DPP8: variants seen among roughly 807,000 people sequenced by gnomAD.
DPP8 encodes DPP VIII.
DPP8 carries 31 observed loss-of-function variants against 107.5 expected under a neutral mutation model. The observed-to-expected ratio is 0.29, with a 90% confidence interval of 0.22 to 0.39. DPP8 has a LOEUF of 0.39. DPP8 is among the 10% of genes least tolerant of loss of function. The pLI, the probability that DPP8 is intolerant of heterozygous loss-of-function variation, is 1.00. For synonymous variants in DPP8, 381 were observed against 356.6 expected (o/e 1.07, Z -0.77); for missense variants, 842 against 1,076.1 (o/e 0.78, Z 3.04).
chr15:65,449,568 C>T (rs1415730227), intron 19 of DPP8, among the ~76,000 whole-genome samples: 1 of 151,998 alleles, frequency 6.6e-6, no homozygotes, highest in African/African-American at 2.4e-5. Context: ...CACCACCACA[C>T]CTAGCTAATT....
chr15:65,510,282 C>T (rs1209944669), intron 2 of DPP8, among the ~76,000 whole-genome samples: 1 of 152,108 alleles, frequency 6.6e-6, no homozygotes, highest in African/African-American at 2.4e-5. Flanking sequence ...TGCCACTGTA[C>T]TCCAGCCTAG....
chr15:65,486,485 G>A (rs2067453139), intron 7 of DPP8, among the ~76,000 whole-genome samples: 1 of 151,964 alleles, frequency 6.6e-6, no homozygotes, highest in Non-Finnish European at 1.5e-5. Flanking sequence ...AGCCCAGGAG[G>A]TGGAGGTATA....
intron 4 of DPP8, among the ~76,000 whole-genome samples, chr15:65,499,070 A>AGTGTGTGTGTGTGTGTGTGT (rs56047613): frequency 2.9e-4 from 38 of 129,760 alleles, no homozygotes; most frequent in African/African-American, 1.1e-3. Flanking sequence ...CCAAAAAAAA[A>AGTGTGTGTGTGTGTGTGTGT]GTGTGTGTGT....
At chr15:65,495,244 A>G (rs1038422288) in intron 5 of DPP8, among the ~76,000 whole-genome samples, 1 of 152,100 alleles carries the variant, frequency 6.6e-6, no homozygotes, top group Non-Finnish European at 1.5e-5. Flanking sequence ...ATTACTTAGG[A>G]TCAGTTTAGG....
intron 4 of DPP8, among the ~76,000 whole-genome samples, chr15:65,499,099 G>A (rs952916529): frequency 7.3e-6 from 1 of 137,372 alleles, no homozygotes; most frequent in African/African-American, 2.8e-5. Flanking sequence ...GTGTGTGTGT[G>A]TGTGTGTATA....
chr15:65,448,900 A>C (rs1230474931), intron 19 of DPP8, among the ~76,000 whole-genome samples: 1 of 82,604 alleles, frequency 1.2e-5, no homozygotes, highest in Non-Finnish European at 2.5e-5. Context: ...ATATATATAT[A>C]TATATATATA....
At chr15:65,458,075 A>G (rs1407225645) in intron 15 of DPP8, among the ~76,000 whole-genome samples, 1 of 152,226 alleles carries the variant, frequency 6.6e-6, no homozygotes, top group Non-Finnish European at 1.5e-5. Flanking sequence ...CATGTATAGA[A>G]GATGGTCTCA....
At chr15:65,465,038 C>A (rs961681067) in intron 14 of DPP8, among the ~76,000 whole-genome samples, 2 of 152,122 alleles carry the variant, frequency 1.3e-5, no homozygotes, top group Admixed American at 6.5e-5. Flanking sequence ...ACAGACCTCT[C>A]CTAAGTGTTT....
At chr15:65,456,112 T>A in intron 16 of DPP8, 113 bp downstream of exon 16, 1 of 1,233,688 alleles carries the variant, frequency 8.1e-7, no homozygotes, top group Non-Finnish European at 1.1e-6. Context: ...ACATACACTC[T>A]CACTCACTCA....
intron 16 of DPP8, chr15:65,455,732 G>A (rs566481304): frequency 7.9e-7 from 1 of 1,266,536 alleles, no homozygotes; most frequent in East Asian, 5.6e-5. Context: ...CAATAACACT[G>A]GCAAACACAG....
chr15:65,474,119 CG>C, intron 12 of DPP8, 89 bp downstream of exon 12: 1 of 985,366 alleles, frequency 1.0e-6, no homozygotes, highest in Non-Finnish European at 1.6e-6. Context: ...AAAAAAATAC[CG>C]GGGTCATATT....
chr15:65,516,607 C>T (rs1430117940), intron 1 of DPP8: 1 of 152,198 alleles, frequency 6.6e-6, no homozygotes, highest in Non-Finnish European at 1.5e-5. Flanking sequence ...GATGTCAAGA[C>T]ACCTCATAGC....
intron 12 of DPP8, among the ~76,000 whole-genome samples, chr15:65,471,676 C>T (rs953963684): frequency 2.0e-5 from 3 of 152,014 alleles, no homozygotes; most frequent in Non-Finnish European, 4.4e-5. Flanking sequence ...TTTGCAGAGA[C>T]GGAGTCTCAC....
At chr15:65,456,159 TCA>T (rs1347774829) in intron 16 of DPP8, 64 bp downstream of exon 16, 8 of 1,554,160 alleles carry the variant, frequency 5.1e-6, no homozygotes, top group Non-Finnish European at 7.0e-6. Flanking sequence ...TTCAAGGGTT[TCA>T]CACCAAACAA....
At chr15:65,489,723 G>C (rs370103) in intron 6 of DPP8, among the ~76,000 whole-genome samples, 142,325 of 151,418 alleles carry the variant, frequency 0.94, 66,881 homozygotes, top group Admixed American at 0.96. Context: ...CGGCCATAAT[G>C]TACATATTTT....
chr15:65,488,031 G>A (rs1255614288), intron 6 of DPP8, among the ~76,000 whole-genome samples: 2 of 152,082 alleles, frequency 1.3e-5, no homozygotes, highest in Non-Finnish European at 2.9e-5. Context: ...AACTGGAGAT[G>A]ATATGTATAC....
rs115277875 is a variant in DPP8, at chr15:65,453,262, C to T, written c.2271+1001G>A. Among the ~76,000 whole-genome samples, 794 of 152,252 alleles carry T rather than the reference C, an allele frequency of 5.2e-3. 10 individuals are homozygous for T. Among genetic ancestry groups the T allele is most frequent in the African/African-American group, 0.018 (758 of 41,548 alleles). On this transcript the variant is annotated intron_variant, in intron 17 of 19. Coordinates refer to ENST00000300141, the MANE Select transcript of DPP8 (RefSeq NM_130434.5). ...GTGTACAGGGCAAACAGGTCCCTGC[C>T]CTCATAGCTTGCAGTCCAACAATTA...
chr15:65,511,112 T>C (rs1364384827), intron 2 of DPP8, among the ~76,000 whole-genome samples: 1 of 152,176 alleles, frequency 6.6e-6, no homozygotes, highest in African/African-American at 2.4e-5. Flanking sequence ...TCTTAGGAAT[T>C]AGTTCTACAG....
chr15:65,446,751 C>T lies in DPP8; in HGVS notation c.*133G>A. 1.1e-6 allele frequency: 1 copy of T among 880,766 alleles called. No individual in the cohort carries two copies. The highest frequency in any genetic ancestry group is 2.1e-5 in the South Asian group (1 of 48,640). 54.6% of individuals were successfully genotyped at this position (880,766 alleles called of 1,614,324 possible). Reference sequence around the variant, plus strand: ...AACCGTAGACCCCTGCATGGCACCACATTTATTTTCAGGAGTAGATGTTAC... The same window carrying T: ...AACCGTAGACCCCTGCATGGCACCATATTTATTTTCAGGAGTAGATGTTAC... On this transcript the variant is annotated 3_prime_UTR_variant, in exon 20 of 20. Transcript: ENST00000300141.
Sources: allele counts gnomAD v4.1 joint callset (sites outside exome capture counted in the v4.1 genomes callset), GRCh38; gene constraint gnomAD v4.1.1; transcripts MANE v1.5; gene names NCBI Gene and HGNC (gene_info 2026-07-23, HGNC 2026-07-21).